The following ARID1B variants were observed in gnomAD, a reference collection of about 807,000 sequenced individuals.
ARID1B encodes AT-rich interaction domain 1B.
In ARID1B, 30 loss-of-function variants were observed where a neutral mutation model predicts 212.3. The ratio of observed to expected loss-of-function variants is 0.14; its 90% CI spans 0.11 to 0.19. ARID1B has a LOEUF of 0.19. ARID1B is among the 10% of genes least tolerant of loss of function. ARID1B has a pLI of 1.00. For synonymous variants in ARID1B, 1,402 were observed against 1,301.7 expected (o/e 1.08, Z -1.66); for missense variants, 2,891 against 3,204.0 (o/e 0.90, Z 2.36).
At chr6:157,196,018 A>G in intron 15 of ARID1B, 147 bp from the exon 16 acceptor site, 3 of 964,754 alleles carry the variant, frequency 3.1e-6, no homozygotes, top group East Asian at 2.9e-5. Context: ...CCAAGATCAC[A>G]CCACTGCATT....
intron 1 of ARID1B, among the ~76,000 whole-genome samples, chr6:156,802,528 G>A (rs894197527): frequency 4.6e-5 from 7 of 152,078 alleles, no homozygotes; most frequent in Non-Finnish European, 1.0e-4. Flanking sequence ...AATGTCCAGA[G>A]GTTTAATAAG....
chr6:157,058,503 G>T (rs1303026891), intron 4 of ARID1B, among the ~76,000 whole-genome samples: 1 of 152,200 alleles, frequency 6.6e-6, no homozygotes, highest in Non-Finnish European at 1.5e-5. Flanking sequence ...GACCTGAGGT[G>T]ATCCACACGC....
At chr6:157,182,504 G>A (rs1399884595) in intron 12 of ARID1B, among the ~76,000 whole-genome samples, 1 of 152,132 alleles carries the variant, frequency 6.6e-6, no homozygotes, top group Non-Finnish European at 1.5e-5. Context: ...AGAATCAGGC[G>A]CCCTGCGCCC....
intron 1 of ARID1B, among the ~76,000 whole-genome samples, chr6:156,808,951 ATTAAAG>A (rs1310267372): frequency 1.4e-4 from 21 of 152,342 alleles, no homozygotes; most frequent in African/African-American, 5.1e-4. Context: ...TGTGACTCTA[ATTAAAG>A]TTAATCAAAG....
At chr6:156,871,091 C>T (rs72998928) in intron 2 of ARID1B, among the ~76,000 whole-genome samples, 7,600 of 152,000 alleles carry the variant, frequency 0.05, 252 homozygotes, top group Middle Eastern at 0.11. Context: ...TTTGCCTTGT[C>T]ATTAATCTGA....
At chr6:157,020,600 C>T (rs528216250) in intron 4 of ARID1B, among the ~76,000 whole-genome samples, 1 of 152,266 alleles carries the variant, frequency 6.6e-6, no homozygotes, top group East Asian at 1.9e-4. Context: ...GATGGCATCA[C>T]ATAAACAACA....
intron 7 of ARID1B, chr6:157,140,519 T>C: frequency 5.0e-6 from 2 of 398,038 alleles, no homozygotes; most frequent in African/African-American, 2.1e-5. Flanking sequence ...TGATTTTATC[T>C]ATTCATTGTC....
Position 156,777,581 on chromosome 6 carries a change from G to A in ARID1B, c.-100G>A, listed in dbSNP as rs528271702. ...GAGGGGGAGGGGGTCGCGGCTTCCC[G>A]GCGGGCCGCGTGGATGCGCACAGGA... On this transcript the variant is annotated 5_prime_UTR_variant, in exon 1 of 20. Transcript: ENST00000636930. The A allele has an allele frequency of 3.8e-3, 577 of 151,656 alleles. 6 individuals carry two copies. The highest frequency in any genetic ancestry group is 0.013 in the Middle Eastern group (4 of 298). 9.4% of individuals were successfully genotyped at this position (151,656 alleles called of 1,614,324 possible).
At chr6:156,949,740 T>C (rs987523630) in intron 4 of ARID1B, among the ~76,000 whole-genome samples, 2 of 152,198 alleles carry the variant, frequency 1.3e-5, no homozygotes, top group African/African-American at 4.8e-5. Flanking sequence ...CAGTTTTATA[T>C]TTTTTATATT....
chr6:156,893,367 C>G (rs73574079), intron 2 of ARID1B, among the ~76,000 whole-genome samples: 10,125 of 152,182 alleles, frequency 0.067, 1,136 homozygotes, highest in African/African-American at 0.23. Context: ...TTTGGCACTG[C>G]ATTTGGTAAT....
chr6:156,959,710 C>T (rs1446527604), intron 4 of ARID1B, among the ~76,000 whole-genome samples: 2 of 151,990 alleles, frequency 1.3e-5, no homozygotes, highest in Non-Finnish European at 2.9e-5. Context: ...AGTCAGAGTC[C>T]TTTTTAAATA....
At chr6:156,842,599 T>C (rs1293729132) in intron 2 of ARID1B, among the ~76,000 whole-genome samples, 1 of 152,264 alleles carries the variant, frequency 6.6e-6, no homozygotes, top group African/African-American at 2.4e-5. Flanking sequence ...TTTGAATACT[T>C]ACTTTCAATT....
At chr6:157,007,213 C>G (rs1376771881) in intron 4 of ARID1B, among the ~76,000 whole-genome samples, 1 of 152,122 alleles carries the variant, frequency 6.6e-6, no homozygotes. Context: ...TTCTTTGAGA[C>G]TAAAGATAAT....
At chr6:157,145,147 G>T (rs1468636645) in intron 7 of ARID1B, among the ~76,000 whole-genome samples, 1 of 152,112 alleles carries the variant, frequency 6.6e-6, no homozygotes, top group Non-Finnish European at 1.5e-5. Context: ...AGCCTTCCAG[G>T]TGGTGTTCGG....
In ARID1B at chr6:157,206,887, A is replaced by G; in HGVS notation, c.6115A>G (p.Ile2039Val). The change falls in exon 20 of 20, where the codon ATC becomes GTC. Residue 2039 changes from isoleucine (I) to valine (V), a missense_variant. Ile to Val is a conservative substitution (Grantham distance 29). Around this residue, in one of 7 missense-constraint regions of ARID1B, gnomAD observed 332 missense variants for 369.2 expected, o/e 0.90. Coordinates refer to ENST00000636930, the MANE Select transcript of ARID1B (RefSeq NM_001374828.1). The surrounding 1 kb of genome is among the most constrained non-coding windows in gnomAD (Gnocchi z 6.8). The part of the protein sequence containing the change: ...GIQQAKSHRN[I>V]KLLEDEPRSR... Reference sequence around the variant, plus strand: ...CCAGCAAGCCAAAAGTCACCGGAACATCAAGCTGCTGGAGGACGAGCCCAG... The same window carrying G: ...CCAGCAAGCCAAAAGTCACCGGAACGTCAAGCTGCTGGAGGACGAGCCCAG... The G allele has an allele frequency of 6.2e-7, 1 of 1,614,204 alleles. No individual in the cohort carries two copies. Among genetic ancestry groups the G allele is most frequent in the Non-Finnish European group, 8.5e-7 (1 of 1,180,048 alleles).
chr6:156,947,749 T>A (rs972946175), intron 4 of ARID1B, among the ~76,000 whole-genome samples: 2 of 152,082 alleles, frequency 1.3e-5, no homozygotes, highest in African/African-American at 2.4e-5. Flanking sequence ...GCTTTAGGGA[T>A]GAAGGGAAAA....
In ARID1B at chr6:157,094,013, T is replaced by G. The variant is rs1785450207; in HGVS notation, c.2491+9108T>G. Among the ~76,000 whole-genome samples, 1 of 152,218 alleles carries G rather than the reference T, an allele frequency of 6.6e-6. No homozygotes were observed. Among genetic ancestry groups the G allele is most frequent in the Non-Finnish European group, 1.5e-5 (1 of 68,050 alleles). On this transcript the variant is annotated intron_variant, in intron 5 of 19. Coordinates refer to ENST00000636930, the MANE Select transcript of ARID1B (RefSeq NM_001374828.1). The surrounding 1 kb of genome is among the most constrained non-coding windows in gnomAD (Gnocchi z 4.3). ...GACAGGAAATACATAAATAACTACA[T>G]ACTTTATTGTCAGGTAGTCAAGGAA...
intron 13 of ARID1B, among the ~76,000 whole-genome samples, chr6:157,189,047 A>C (rs1793173808): frequency 6.6e-6 from 1 of 152,230 alleles, no homozygotes; most frequent in Admixed American, 6.5e-5. Context: ...TAGGTCAAAA[A>C]GTGACACTAT....
chr6:156,882,551 C>A (rs1283879360), intron 2 of ARID1B, among the ~76,000 whole-genome samples: 1 of 152,128 alleles, frequency 6.6e-6, no homozygotes, highest in Non-Finnish European at 1.5e-5. Context: ...TATAAGGGTG[C>A]CTTGCCTTGC....
Sources: gnomAD v4.1 joint callset for allele counts (sites outside exome capture counted in the v4.1 genomes callset) on GRCh38, gnomAD v4.1.1 for gene constraint, gnomAD v4.1.1 regional missense constraint, Gnocchi (gnomAD v3.1) non-coding constraint, MANE v1.5 for transcripts, NCBI Gene and HGNC (gene_info 2026-07-23, HGNC 2026-07-21) for gene names.